Variants in PISD observed in about 807,000 individuals in gnomAD.
PISD encodes the protein phosphatidylserine decarboxylase.
Under a neutral mutation model 43.5 loss-of-function variants are expected in PISD, and 31 were observed. The observed-to-expected ratio is 0.71, with a 90% CI of 0.54 to 0.96. The LOEUF (loss-of-function observed/expected upper bound fraction) is 0.96. Among genes scored for constraint, PISD ranks in the 40% least tolerant of loss-of-function variants. The probability of loss-of-function intolerance (pLI) is 0.00; values close to 1 mark genes in which losing one functional copy is unlikely to be tolerated. For synonymous variants in PISD, 259 were observed against 228.7 expected (o/e 1.13, Z -1.20); for missense variants, 523 against 548.4 (o/e 0.95, Z 0.46).
chr22:31,618,535 T>C lies in PISD; in HGVS notation c.*1077A>G, dbSNP rs147874911. ...TATTTCAAAATGCTTTGCAATTAAA[T>C]GAATTACTGTTCAGAAGTCTCCCAC... On this transcript the variant is annotated 3_prime_UTR_variant, in exon 8 of 8. Transcript: ENST00000439502. The C allele has an allele frequency of 7.3e-3, 7,701 of 1,061,922 alleles. 41 individuals carry two copies. Among genetic ancestry groups the C allele is most frequent in the Non-Finnish European group, 8.6e-3 (6,655 of 778,140 alleles). 65.8% of individuals were successfully genotyped at this position (1,061,922 alleles called of 1,614,324 possible). A position where few individuals can be genotyped will look rare whatever the true frequency, so the allele number is the denominator to read the frequency against.
intron 3 of PISD, among the ~76,000 whole-genome samples, chr22:31,642,551 T>A (rs2073764210): frequency 6.6e-6 from 1 of 150,772 alleles, no homozygotes; most frequent in Non-Finnish European, 1.5e-5. Context: ...TCCCAGCACT[T>A]TGGGGGCCCA....
chr22:31,649,264 A>G (rs1393120353), intron 2 of PISD, among the ~76,000 whole-genome samples: 1 of 152,150 alleles, frequency 6.6e-6, no homozygotes, highest in East Asian at 1.9e-4. Context: ...ACCTTTGTCC[A>G]AAGGAAAAAT....
Position 31,620,614 on chromosome 22 carries a change from A to C in PISD, c.944T>G (p.Phe315Cys), listed in dbSNP as rs1315188217. The C allele has an allele frequency of 3.7e-6, 6 of 1,614,124 alleles. No homozygotes were observed. In the Admixed American group the frequency reaches 6.7e-5, roughly 18 times the overall value. Residue 315 changes from phenylalanine (F) to cysteine (C), a missense_variant, in exon 7 of 8, where the codon TTC becomes TGC. Transcript: ENST00000439502. ...VVLTGDWKHG[F>C]FSLTAVGATN... ...GGCCCCCACAGCTGTCAGTGAGAAGAAGCCATGTTTCCAGTCCCCCGTCAG... is the reference window on the plus strand; with the variant it reads ...GGCCCCCACAGCTGTCAGTGAGAAGCAGCCATGTTTCCAGTCCCCCGTCAG...
At chr22:31,646,393 G>A (rs1034258974) in intron 3 of PISD, among the ~76,000 whole-genome samples, 3 of 152,128 alleles carry the variant, frequency 2.0e-5, no homozygotes, top group African/African-American at 7.2e-5. Context: ...CAGGCCCTGG[G>A]ACTTATGAGT....
chr22:31,637,188 T>A (rs560073308), intron 3 of PISD, among the ~76,000 whole-genome samples: 3 of 77,822 alleles, frequency 3.9e-5, no homozygotes, highest in East Asian at 4.0e-4. Context: ...TATATATATA[T>A]ATATATATAT....
chr22:31,648,078 A>C, intron 3 of PISD, 23 bp downstream of exon 3: 1 of 1,598,506 alleles, frequency 6.3e-7, no homozygotes, highest in Non-Finnish European at 8.5e-7. Flanking sequence ...CGAGAACCCA[A>C]GGCAGTTCCA....
At chr22:31,646,720 C>A (rs2073897190) in intron 3 of PISD, among the ~76,000 whole-genome samples, 1 of 152,100 alleles carries the variant, frequency 6.6e-6, no homozygotes, top group African/African-American at 2.4e-5. Context: ...TTTACAAGTA[C>A]TTTACTAATC....
intron 3 of PISD, chr22:31,625,566 T>C: frequency 3.1e-6 from 2 of 650,688 alleles, no homozygotes; most frequent in East Asian, 2.7e-5. Flanking sequence ...TCCTCATGGT[T>C]GGAACCAAAG....
chr22:31,623,560 C>T (rs893000974), intron 3 of PISD: 7 of 980,448 alleles, frequency 7.1e-6, no homozygotes, highest in Non-Finnish European at 1.0e-5. Context: ...CGACCCGGAC[C>T]CCCTGAAGAT....
At position 31,662,132 on chromosome 22, in the gene PISD, G is replaced by T; in HGVS notation, c.65+12C>A. 6.2e-7 allele frequency: 1 copy of T among 1,606,958 alleles called. No homozygotes were observed. ...CCCCACGCCCCAAGGTAGTCTCTCC[G>T]CGCTGCTATACCTGCTCCGCCACGG... On this transcript the variant is annotated intron_variant, in intron 1 of 7. Transcript: ENST00000439502.
At chr22:31,652,139 T>G (rs959507030) in intron 1 of PISD, among the ~76,000 whole-genome samples, 2 of 151,150 alleles carry the variant, frequency 1.3e-5, no homozygotes, top group Non-Finnish European at 3.0e-5. Context: ...GTTATGTCTT[T>G]TGTGTGTGTG....
intron 2 of PISD, among the ~76,000 whole-genome samples, chr22:31,648,638 G>A (rs1259182043): frequency 6.7e-6 from 1 of 149,738 alleles, no homozygotes; most frequent in Non-Finnish European, 1.5e-5. Flanking sequence ...CTGCACTCCA[G>A]CCTAGGTAAC....
In PISD at chr22:31,620,669, C is replaced by T. The variant is rs758083555; in HGVS notation, c.889G>A (p.Glu297Lys). 2 of 1,614,230 alleles carry T rather than the reference C, an allele frequency of 1.2e-6. No individual in the cohort carries two copies. Among genetic ancestry groups the T allele is most frequent in the Non-Finnish European group, 1.7e-6 (2 of 1,180,042 alleles). The change falls in exon 7 of 8, where the codon GAG (glutamate) becomes AAG (lysine). Residue 297 changes from glutamate (E) to lysine (K), a missense_variant. By Grantham distance (56) the Glu-to-Lys change is moderately conservative. Transcript: ENST00000439502. Reference protein sequence around the residue: ...VNPGMARWIKELFCHNERVVL... With the variant: ...VNPGMARWIKKLFCHNERVVL... ...ACCCGCTCGTTATGGCAGAAGAGCT[C>T]TTTGATCCAGCGAGCCATGCCAGGG...
At chr22:31,625,693 T>A in intron 3 of PISD, 1 of 1,542,188 alleles carries the variant, frequency 6.5e-7, no homozygotes, top group Non-Finnish European at 8.8e-7. Context: ...GGCCGCTGGA[T>A]GTGAACTCTG....
At chr22:31,628,745 C>G (rs1054272198) in intron 3 of PISD, 1 of 813,040 alleles carries the variant, frequency 1.2e-6, no homozygotes, top group Non-Finnish European at 1.5e-6. Context: ...TGGCCACCCC[C>G]TTGAGGCTCA....
chr22:31,624,487 A>C (rs1167402969), intron 3 of PISD, among the ~76,000 whole-genome samples: 1 of 152,030 alleles, frequency 6.6e-6, no homozygotes, highest in East Asian at 1.9e-4. Flanking sequence ...TCTCAAAGGG[A>C]GCATTTACAC....
At chr22:31,657,078 T>C (rs1020947084) in intron 1 of PISD, among the ~76,000 whole-genome samples, 5 of 152,198 alleles carry the variant, frequency 3.3e-5, no homozygotes, top group Non-Finnish European at 5.9e-5. Flanking sequence ...AAATGGGATA[T>C]CTATCCCCTC....
chr22:31,661,756 T>C (rs1418653243), intron 1 of PISD, among the ~76,000 whole-genome samples: 4 of 151,976 alleles, frequency 2.6e-5, no homozygotes, highest in Non-Finnish European at 5.9e-5. Context: ...GAAATGAAAG[T>C]TGCCTGACAC....
intron 3 of PISD, among the ~76,000 whole-genome samples, chr22:31,644,517 G>A (rs886548048): frequency 6.6e-6 from 1 of 152,042 alleles, no homozygotes; most frequent in African/African-American, 2.4e-5. Context: ...GGGATTACAG[G>A]CATGAGCCAC....
Sources: allele counts gnomAD v4.1 joint callset (sites outside exome capture counted in the v4.1 genomes callset), GRCh38; gene constraint gnomAD v4.1.1; transcripts MANE v1.5; gene names NCBI Gene and HGNC (gene_info 2026-07-23, HGNC 2026-07-21).